The following SLC25A21 variants were observed in gnomAD, a reference collection of about 807,000 sequenced individuals.
SLC25A21 encodes the protein mitochondrial 2-oxodicarboxylate carrier.
Under a neutral mutation model 43.8 loss-of-function variants are expected in SLC25A21, and 47 were observed. That is an observed-to-expected ratio of 1.07 (90% CI 0.85 to 1.37). SLC25A21 has a LOEUF of 1.37. Among genes scored for constraint, SLC25A21 ranks in the 40% most tolerant of loss-of-function variants. The probability of loss-of-function intolerance (pLI) is 0.00; values close to 1 mark genes in which losing one functional copy is unlikely to be tolerated. For missense variants in SLC25A21, 352 were observed against 350.2 expected, an observed-to-expected ratio of 1.00 and a Z score of -0.04; for synonymous variants, 131 against 121.3, an observed-to-expected ratio of 1.08 and a Z score of -0.52.
chr14:36,803,302 C>T (rs1427896630), intron 3 of SLC25A21, among the ~76,000 whole-genome samples: 1 of 152,068 alleles, frequency 6.6e-6, no homozygotes, highest in African/African-American at 2.4e-5. Context: ...ACACATGAAG[C>T]CAGGTCTCTA....
At chr14:36,858,766 C>T (rs1167023394) in intron 2 of SLC25A21, among the ~76,000 whole-genome samples, 1 of 152,190 alleles carries the variant, frequency 6.6e-6, no homozygotes, top group Non-Finnish European at 1.5e-5. Context: ...CAGAACTTGG[C>T]AAGCATCTAT....
intron 3 of SLC25A21, among the ~76,000 whole-genome samples, chr14:36,795,974 C>T (rs1887655748): frequency 6.6e-6 from 1 of 152,034 alleles, no homozygotes; most frequent in Admixed American, 6.6e-5. Flanking sequence ...AACCTAAATG[C>T]CAAGGAGTTG....
At chr14:37,009,688 T>C (rs1467210719) in intron 1 of SLC25A21, among the ~76,000 whole-genome samples, 1 of 152,158 alleles carries the variant, frequency 6.6e-6, no homozygotes, top group East Asian at 1.9e-4. Context: ...TCTGAGCAAA[T>C]TACTTTTTCC....
intron 2 of SLC25A21, among the ~76,000 whole-genome samples, chr14:36,831,477 G>A (rs1242176981): frequency 2.0e-5 from 3 of 152,138 alleles, no homozygotes; most frequent in African/African-American, 7.2e-5. Context: ...TAAAATGCTA[G>A]TATTTCTGTA....
intron 5 of SLC25A21, among the ~76,000 whole-genome samples, chr14:36,727,692 A>AAAAAAAAAAAAAAG (rs1442719971): frequency 2.6e-5 from 4 of 152,160 alleles, no homozygotes; most frequent in African/African-American, 9.7e-5. Flanking sequence ...TGTCTCAAAA[A>AAAAAAAAAAAAAAG]AAAAGAAAAA....
intron 6 of SLC25A21, among the ~76,000 whole-genome samples, chr14:36,712,206 T>TTTACAATTCATTACAATACAA (rs1883908578): frequency 1.3e-5 from 2 of 152,170 alleles, no homozygotes; most frequent in Non-Finnish European, 2.9e-5. Flanking sequence ...TACCCTGAGA[T>TTTACAATTCATTACAATACAA]TTACAATTCA....
chr14:37,009,417 C>T (rs547865920), intron 1 of SLC25A21, among the ~76,000 whole-genome samples: 30 of 151,842 alleles, frequency 2.0e-4, no homozygotes, highest in Non-Finnish European at 3.2e-4. Context: ...ACCTGGGAGG[C>T]GGAGGTTGCA....
At chr14:36,988,747 T>C (rs759935601) in intron 1 of SLC25A21, among the ~76,000 whole-genome samples, 1 of 152,218 alleles carries the variant, frequency 6.6e-6, no homozygotes, top group Non-Finnish European at 1.5e-5. Flanking sequence ...TTCTGATTCA[T>C]GGCCACAGTT....
intron 1 of SLC25A21, among the ~76,000 whole-genome samples, chr14:37,114,197 A>G (rs549837811): frequency 1.3e-5 from 2 of 152,290 alleles, no homozygotes; most frequent in Admixed American, 1.3e-4. Context: ...CATTCCTCTA[A>G]ATATATTGGC....
intron 2 of SLC25A21, among the ~76,000 whole-genome samples, chr14:36,830,673 T>C (rs372948032): frequency 6.6e-6 from 1 of 152,282 alleles, no homozygotes; most frequent in East Asian, 1.9e-4. Context: ...AGTTTGAGTA[T>C]CAAGATATTT....
At chr14:37,091,768 T>C (rs576294642) in intron 1 of SLC25A21, among the ~76,000 whole-genome samples, 17 of 152,300 alleles carry the variant, frequency 1.1e-4, no homozygotes, top group Non-Finnish European at 1.5e-5. Context: ...ATCAACTGTG[T>C]CTACATTCAT....
chr14:36,890,850 C>A (rs1891054415), intron 1 of SLC25A21, among the ~76,000 whole-genome samples: 1 of 152,014 alleles, frequency 6.6e-6, no homozygotes, highest in African/African-American at 2.4e-5. Flanking sequence ...CCTATAATGA[C>A]CACAATATGT....
intron 1 of SLC25A21, among the ~76,000 whole-genome samples, chr14:36,939,343 C>T (rs896514983): frequency 6.6e-6 from 1 of 152,034 alleles, no homozygotes; most frequent in East Asian, 1.9e-4. Context: ...CTCTATCATG[C>T]ATATTTTCTT....
intron 1 of SLC25A21, among the ~76,000 whole-genome samples, chr14:37,133,143 G>GCACACACACACACACACACA (rs33962615): frequency 1.4e-4 from 20 of 148,078 alleles, no homozygotes; most frequent in African/African-American, 5.0e-4. Context: ...GTGCACTCGT[G>GCACACACACACACACACACA]CACACACACA....
At chr14:37,168,703 C>A (rs1229327597) in intron 1 of SLC25A21, among the ~76,000 whole-genome samples, 1 of 152,070 alleles carries the variant, frequency 6.6e-6, no homozygotes, top group Non-Finnish European at 1.5e-5. Context: ...TCTTGGGGAT[C>A]ACATTCTGAT....
chr14:37,087,453 A>G (rs1479376923), intron 1 of SLC25A21, among the ~76,000 whole-genome samples: 1 of 152,172 alleles, frequency 6.6e-6, no homozygotes, highest in East Asian at 1.9e-4. Context: ...TGGGAAGGCT[A>G]GTCAAGGGAG....
chr14:37,044,365 T>C (rs1438398261), intron 1 of SLC25A21, among the ~76,000 whole-genome samples: 7 of 152,212 alleles, frequency 4.6e-5, no homozygotes, highest in Non-Finnish European at 1.0e-4. Context: ...TTAGCTTACT[T>C]GTCTTATTTA....
chr14:37,172,121 C>G lies in SLC25A21; in HGVS notation c.70+160G>C, dbSNP rs1485122013. On this transcript the variant is annotated intron_variant, in intron 1 of 9. Coordinates refer to ENST00000331299, the MANE Select transcript of SLC25A21 (RefSeq NM_030631.4). ...ACTCGCAATCAACTCCCGGCCTCCT[C>G]TGCTCTCGCGCCTCTAGGGGCTCAA... The G allele has an allele frequency of 1.2e-5, 9 of 744,034 alleles. No homozygotes were observed. In the East Asian group the frequency reaches 2.5e-4, roughly 21 times the overall value. 46.1% of individuals were successfully genotyped at this position (744,034 alleles called of 1,614,324 possible). A position where few individuals can be genotyped will look rare whatever the true frequency, so the allele number is the denominator to read the frequency against.
intron 1 of SLC25A21, among the ~76,000 whole-genome samples, chr14:36,909,440 C>T (rs1371755048): frequency 6.6e-6 from 1 of 152,126 alleles, no homozygotes; most frequent in Non-Finnish European, 1.5e-5. Flanking sequence ...AATAGTAAAG[C>T]GTATTCAACT....
Sources: allele counts gnomAD v4.1 joint callset (sites outside exome capture counted in the v4.1 genomes callset), GRCh38; gene constraint gnomAD v4.1.1; transcripts MANE v1.5; gene names NCBI Gene and HGNC (gene_info 2026-07-23, HGNC 2026-07-21).